Variants in NOL4 observed in about 807,000 individuals in gnomAD.
NOL4 encodes cancer/testis antigen 125.
NOL4 carries 17 observed loss-of-function variants against 75.9 expected under a neutral mutation model. That is an observed-to-expected ratio of 0.22 (90% CI 0.15 to 0.34). The LOEUF (loss-of-function observed/expected upper bound fraction) is 0.34, where lower values mean the gene tolerates loss of function less well. NOL4 is among the 10% of genes least tolerant of loss of function. NOL4 has a pLI of 1.00. For synonymous variants in NOL4, 292 were observed against 289.9 expected (o/e 1.01, Z -0.07); for missense variants, 614 against 793.5 (o/e 0.77, Z 2.72).
chr18:33,878,630 CTAA>C (rs1307389747), intron 10 of NOL4, among the ~76,000 whole-genome samples: 1 of 151,998 alleles, frequency 6.6e-6, no homozygotes, highest in Non-Finnish European at 1.5e-5. Context: ...TAAACTCAGA[CTAA>C]TAATGTAATT....
intron 5 of NOL4, among the ~76,000 whole-genome samples, chr18:34,055,447 A>G (rs1452634686): frequency 6.6e-6 from 1 of 152,088 alleles, no homozygotes; most frequent in Non-Finnish European, 1.5e-5. Context: ...CCTTTGGCCT[A>G]TAAGGTTTTT....
chr18:33,943,407 T>A (rs191019192), intron 8 of NOL4, among the ~76,000 whole-genome samples: 23 of 151,976 alleles, frequency 1.5e-4, no homozygotes, highest in South Asian at 2.1e-4. Context: ...TTCATTCCCA[T>A]AGATCCATTG....
At chr18:34,172,490 C>G (rs200808155) in intron 1 of NOL4, among the ~76,000 whole-genome samples, 1 of 152,062 alleles carries the variant, frequency 6.6e-6, no homozygotes, top group Non-Finnish European at 1.5e-5. Context: ...AATGAACATG[C>G]GAGTGCAGAT....
chr18:33,970,240 AC>A (rs2070944323), intron 6 of NOL4, among the ~76,000 whole-genome samples: 1 of 152,142 alleles, frequency 6.6e-6, no homozygotes, highest in South Asian at 2.1e-4. Context: ...CATTCTAAAA[AC>A]CCAGATATGT....
At chr18:34,207,728 C>G (rs1487404071) in intron 1 of NOL4, among the ~76,000 whole-genome samples, 1 of 152,144 alleles carries the variant, frequency 6.6e-6, no homozygotes, top group African/African-American at 2.4e-5. Flanking sequence ...CACTGTTACA[C>G]AATTCCATGG....
chr18:33,951,051 C>T (rs1271621086), intron 8 of NOL4, among the ~76,000 whole-genome samples: 1 of 152,102 alleles, frequency 6.6e-6, no homozygotes, highest in Admixed American at 6.6e-5. Context: ...CAAGTAGCAA[C>T]TGGAAAAGCA....
chr18:34,124,362 CTA>C (rs767064932), intron 2 of NOL4, among the ~76,000 whole-genome samples: 13 of 152,018 alleles, frequency 8.6e-5, no homozygotes, highest in Non-Finnish European at 1.5e-4. Context: ...TGAATTGTGC[CTA>C]GAGAGTATTT....
intron 2 of NOL4, among the ~76,000 whole-genome samples, chr18:34,111,286 A>C (rs1394797267): frequency 6.6e-6 from 1 of 152,232 alleles, no homozygotes; most frequent in Non-Finnish European, 1.5e-5. Context: ...AAAGAACTCA[A>C]AAAATTTCAT....
At chr18:34,049,087 C>A (rs958525124) in intron 5 of NOL4, among the ~76,000 whole-genome samples, 5 of 135,160 alleles carry the variant, frequency 3.7e-5, no homozygotes, top group Admixed American at 1.5e-4. Context: ...CACACACACA[C>A]ACACACACAC....
At chr18:33,977,104 T>C (rs978980443) in intron 6 of NOL4, among the ~76,000 whole-genome samples, 2 of 152,178 alleles carry the variant, frequency 1.3e-5, no homozygotes, top group Non-Finnish European at 2.9e-5. Flanking sequence ...GGTCTTATAG[T>C]GTGCTTATTA....
At chr18:34,111,869 C>G (rs1242123172) in intron 2 of NOL4, among the ~76,000 whole-genome samples, 2 of 152,060 alleles carry the variant, frequency 1.3e-5, no homozygotes, top group East Asian at 3.8e-4. Flanking sequence ...AAAAGGGAAG[C>G]CTTGTACACT....
At chr18:33,956,801 C>T (rs1390337898) in intron 8 of NOL4, among the ~76,000 whole-genome samples, 2 of 152,132 alleles carry the variant, frequency 1.3e-5, no homozygotes, top group African/African-American at 4.8e-5. Flanking sequence ...ACAACAAATC[C>T]TTATATTTCA....
At chr18:34,198,099 C>A (rs2035466519) in intron 1 of NOL4, among the ~76,000 whole-genome samples, 2 of 151,794 alleles carry the variant, frequency 1.3e-5, no homozygotes, top group Admixed American at 6.6e-5. Flanking sequence ...AAGAAAATGT[C>A]AATCTTCAAA....
At chr18:34,020,229 A>G (rs1266492101) in intron 5 of NOL4, among the ~76,000 whole-genome samples, 2 of 152,202 alleles carry the variant, frequency 1.3e-5, no homozygotes, top group African/African-American at 2.4e-5. Context: ...GAAATAAAAC[A>G]GGAAGAAGAA....
At chr18:33,986,358 A>G (rs887036428) in intron 6 of NOL4, among the ~76,000 whole-genome samples, 2 of 152,144 alleles carry the variant, frequency 1.3e-5, no homozygotes, top group African/African-American at 4.8e-5. Flanking sequence ...GAAACAGAAT[A>G]GTCCAAACAG....
intron 9 of NOL4, among the ~76,000 whole-genome samples, chr18:33,902,336 T>C (rs1393690303): frequency 6.6e-6 from 1 of 152,180 alleles, no homozygotes. Context: ...GTTCAACTTT[T>C]GTTGTATCTC....
chr18:34,112,074 A>G (rs1402808621), intron 2 of NOL4, among the ~76,000 whole-genome samples: 6 of 152,176 alleles, frequency 3.9e-5, no homozygotes, highest in African/African-American at 1.4e-4. Flanking sequence ...TAGCCAGGAT[A>G]TGGGGACAAC....
intron 8 of NOL4, 59 bp from the exon 9 acceptor site, chr18:33,943,237 A>G: frequency 9.0e-7 from 1 of 1,109,212 alleles, no homozygotes; most frequent in South Asian, 1.3e-5. Flanking sequence ...TAACAGGCCA[A>G]TGCTATTCTC....
intron 1 of NOL4, among the ~76,000 whole-genome samples, chr18:34,161,051 T>C (rs2031392175): frequency 6.6e-6 from 1 of 152,170 alleles, no homozygotes; most frequent in Non-Finnish European, 1.5e-5. Flanking sequence ...AGCTTCCACA[T>C]GAGTGAGAAT....
Sources: allele counts gnomAD v4.1 joint callset (sites outside exome capture counted in the v4.1 genomes callset), GRCh38; gene constraint gnomAD v4.1.1; transcripts MANE v1.5; gene names NCBI Gene and HGNC (gene_info 2026-07-23, HGNC 2026-07-21).